PLAAT3: variants seen among roughly 807,000 people sequenced by gnomAD.
PLAAT3 encodes the protein Ca-independent phospholipase A1/2.
Under a neutral mutation model 16.7 loss-of-function variants are expected in PLAAT3, and 21 were observed. The observed-to-expected ratio is 1.26, with a 90% confidence interval of 0.89 to 1.81. The LOEUF is 1.81. Among genes scored for constraint, PLAAT3 ranks in the 40% most tolerant of loss-of-function variants. The probability of loss-of-function intolerance (pLI) is 0.00; values close to 1 mark genes in which losing one functional copy is unlikely to be tolerated. For synonymous variants in PLAAT3, 76 were observed against 81.7 expected (o/e 0.93, Z 0.38); for missense variants, 219 against 213.7 (o/e 1.02, Z -0.16).
At chr11:63,604,896 C>T (rs931977553) in intron 2 of PLAAT3, among the ~76,000 whole-genome samples, 1 of 152,022 alleles carries the variant, frequency 6.6e-6, no homozygotes, top group African/African-American at 2.4e-5. Flanking sequence ...AATAGCAAAA[C>T]AGACACAAGC....
chr11:63,590,658 G>C (rs2134408398), intron 3 of PLAAT3, among the ~76,000 whole-genome samples: 1 of 152,294 alleles, frequency 6.6e-6, no homozygotes, highest in Admixed American at 6.5e-5. Flanking sequence ...GGCCCCCTTG[G>C]TTATGCAAAT....
chr11:63,606,425 A>AACACACACAC (rs34044017), intron 2 of PLAAT3, among the ~76,000 whole-genome samples: 4,496 of 140,142 alleles, frequency 0.032, 89 homozygotes, highest in Middle Eastern at 0.05. Flanking sequence ...TCTACTATAA[A>AACACACACAC]ACACACACAC....
At position 63,589,409 on chromosome 11, in the gene PLAAT3, C is replaced by CAAAAAAAA. The variant is rs748851566; in HGVS notation, c.387+690_387+691insTTTTTTTT. ...CTTCCCAATGTTCTTTTCACCTATG[C>CAAAAAAAA]AAAGAAAAAAAAAAAAAAAAAGATG... is the stretch of plus-strand genomic sequence containing the variant. On this transcript the variant is annotated intron_variant, in intron 4 of 4. Coordinates refer to ENST00000415826, the MANE Select transcript of PLAAT3 (RefSeq NM_001128203.2). Among the ~76,000 whole-genome samples the CAAAAAAAA allele has an allele frequency of 2.0e-4, 6 of 30,766 alleles. 1 individual carries two copies. Among genetic ancestry groups the CAAAAAAAA allele is most frequent in the Admixed American group, 3.2e-4 (1 of 3,122 alleles). 20.2% of individuals were successfully genotyped at this position (30,766 alleles called of 152,430 possible).
rs1938117626 is a variant in PLAAT3, at chr11:63,590,316, C to T, written c.171G>A (p.Lys57=). 6.2e-7 allele frequency: 1 copy of T among 1,614,004 alleles called. No homozygotes were observed. The highest frequency in any genetic ancestry group is 1.7e-5 in the Admixed American group (1 of 60,008). The part of the protein sequence containing the change: ...AASVMSALTD[K]AIVKKELLYD... ...ACAGCAATTCCTTCTTCACGATGGC[C>T]TTGTCAGTCAGGGCGGACATGACAC... Residue 57 remains lysine (K), a synonymous_variant, in exon 4 of 5, where the codon AAG becomes AAA. Transcript: ENST00000415826.
At chr11:63,591,823 C>A (rs1380904092) in intron 3 of PLAAT3, among the ~76,000 whole-genome samples, 1 of 152,234 alleles carries the variant, frequency 6.6e-6, no homozygotes, top group African/African-American at 2.4e-5. Context: ...TGGGGCCCAC[C>A]CAGCCTCAGC....
At chr11:63,578,770 T>C (rs1385748191) in intron 4 of PLAAT3, among the ~76,000 whole-genome samples, 1 of 151,570 alleles carries the variant, frequency 6.6e-6, no homozygotes, top group Admixed American at 6.6e-5. Flanking sequence ...ATAAAAACCC[T>C]AGAAGAAAAC....
intron 3 of PLAAT3, among the ~76,000 whole-genome samples, chr11:63,592,862 T>C (rs762503560): frequency 6.6e-6 from 1 of 152,194 alleles, no homozygotes; most frequent in Non-Finnish European, 1.5e-5. Flanking sequence ...AGCTCTAATT[T>C]CTACAGTTTT....
At chr11:63,615,190 A>ATATGTGTGTATATATG (rs1565259850), upstream of PLAAT3, among the ~76,000 whole-genome samples, 9 of 37,168 alleles carry the variant, frequency 2.4e-4, no homozygotes, top group Admixed American at 1.3e-3. Context: ...GTGTATATAT[A>ATATGTGTGTATATATG]TGTGTGTATA....
chr11:63,609,418 C>T (rs1442683928), intron 2 of PLAAT3, among the ~76,000 whole-genome samples: 1 of 152,242 alleles, frequency 6.6e-6, no homozygotes, highest in Non-Finnish European at 1.5e-5. Flanking sequence ...CCTCTGTACT[C>T]TATTGCTGTG....
intron 2 of PLAAT3, 81 bp from the exon 3 acceptor site, chr11:63,598,244 G>A (rs1938343768): frequency 1.1e-6 from 1 of 925,572 alleles, no homozygotes; most frequent in Admixed American, 1.9e-5. Context: ...AGGTGCAGCT[G>A]AGTGGTCCCC....
At chr11:63,596,530 G>A (rs935347463) in intron 3 of PLAAT3, among the ~76,000 whole-genome samples, 9 of 151,572 alleles carry the variant, frequency 5.9e-5, no homozygotes, top group Admixed American at 1.3e-4. Context: ...TACAACTGAC[G>A]ATAATGCAGA....
At chr11:63,613,514 A>G (rs1425486587) in intron 2 of PLAAT3, among the ~76,000 whole-genome samples, 2 of 152,272 alleles carry the variant, frequency 1.3e-5, no homozygotes, top group African/African-American at 4.8e-5. Context: ...GATGCTCAAC[A>G]CTAGGAGGGT....
intron 3 of PLAAT3, among the ~76,000 whole-genome samples, chr11:63,596,155 G>A (rs962695358): frequency 2.8e-5 from 4 of 145,164 alleles, no homozygotes; most frequent in Non-Finnish European, 6.1e-5. Flanking sequence ...GCAGGAGAAC[G>A]GCGTGAACCC....
At chr11:63,602,285 C>CAA (rs61260700) in intron 2 of PLAAT3, among the ~76,000 whole-genome samples, 2 of 139,418 alleles carry the variant, frequency 1.4e-5, no homozygotes, top group African/African-American at 2.6e-5. Flanking sequence ...GAAACTGTCT[C>CAA]AAAAAAAAAA....
intron 4 of PLAAT3, among the ~76,000 whole-genome samples, chr11:63,579,952 T>G (rs1263532670): frequency 6.6e-6 from 1 of 151,116 alleles, no homozygotes; most frequent in Non-Finnish European, 1.5e-5. Context: ...AACCTAGAAT[T>G]CTATACCCAG....
chr11:63,599,217 G>A lies in PLAAT3; in HGVS notation c.16-1054C>T, dbSNP rs180886869. On this transcript the variant is annotated intron_variant, in intron 2 of 4. Coordinates refer to ENST00000415826, the MANE Select transcript of PLAAT3 (RefSeq NM_001128203.2). ...ACACCTAGAGACAGAGCCCATCAGAGGCTGGTTCTGGCCCCTTCATCCTTT... is the reference window on the plus strand; with the variant it reads ...ACACCTAGAGACAGAGCCCATCAGAAGCTGGTTCTGGCCCCTTCATCCTTT... Among the ~76,000 whole-genome samples, 7 of 152,336 alleles carry A rather than the reference G, an allele frequency of 4.6e-5. No homozygotes were observed. In the East Asian group the frequency reaches 1.3e-3, roughly 29 times the overall value.
Position 63,607,158 on chromosome 11 carries a change from A to C in PLAAT3, c.15+6842T>G, listed in dbSNP as rs957856701. Among the ~76,000 whole-genome samples the C allele has an allele frequency of 2.0e-5, 3 of 152,220 alleles. No homozygotes were observed. In the South Asian group the frequency reaches 6.2e-4, roughly 32 times the overall value. ...TGACTCCAAGGTGTCTGGACAGAGC[A>C]ACTGGGAGGCGGGATGGGGCTGTTT... is the stretch of plus-strand genomic sequence containing the variant. On this transcript the variant is annotated intron_variant, in intron 2 of 4. Transcript: ENST00000415826.
chr11:63,615,028 G>A (rs1332861078), upstream of PLAAT3, among the ~76,000 whole-genome samples: 24,267 of 31,480 alleles, frequency 0.77, 11,115 homozygotes, highest in East Asian at 0.99. Context: ...ATATATATAT[G>A]TGTGTATATA....
intron 4 of PLAAT3, among the ~76,000 whole-genome samples, chr11:63,579,145 G>C (rs1273036320): frequency 2.0e-5 from 3 of 152,222 alleles, no homozygotes; most frequent in East Asian, 1.9e-4. Flanking sequence ...CTGGCCATCA[G>C]AGAAATGCAA....
Sources: allele counts gnomAD v4.1 joint callset (sites outside exome capture counted in the v4.1 genomes callset), GRCh38; gene constraint gnomAD v4.1.1; transcripts MANE v1.5; gene names NCBI Gene and HGNC (gene_info 2026-07-23, HGNC 2026-07-21).